GNAL: variants seen among roughly 807,000 people sequenced by gnomAD.
The protein encoded by GNAL is G protein subunit alpha L, also known as guanine nucleotide-binding protein G(olf) subunit alpha.
GNAL carries 18 observed loss-of-function variants against 55.1 expected under a neutral mutation model. The observed-to-expected ratio is 0.33, with a 90% CI of 0.23 to 0.48. The LOEUF is 0.48. Ranked by LOEUF, GNAL falls within the 20% of genes least tolerant of loss-of-function variation. GNAL has a pLI of 0.99. For synonymous variants in GNAL, 253 were observed against 237.0 expected, an observed-to-expected ratio of 1.07 and a Z score of -0.62; for missense variants, 412 against 614.1, an observed-to-expected ratio of 0.67 and a Z score of 3.48.
rs561208006 is a variant in GNAL at position 11,763,734 on chromosome 18, A to G, written c.624+9789A>G. Among the ~76,000 whole-genome samples the G allele has an allele frequency of 3.2e-4, 49 of 152,366 alleles. No homozygotes were observed. The South Asian group carries it at 9.3e-3, about 29-fold the overall frequency. ...AAGAGTCTCAATAATTTAATGAAATAATAGCAGTAACAATAATAATAAATA... is the reference window on the plus strand; with the variant it reads ...AAGAGTCTCAATAATTTAATGAAATGATAGCAGTAACAATAATAATAAATA... On this transcript the variant is annotated intron_variant, in intron 4 of 11. Coordinates refer to ENST00000334049, the MANE Select transcript of GNAL (RefSeq NM_182978.4).
At chr18:11,864,954 C>G (rs2036227846) in intron 7 of GNAL, among the ~76,000 whole-genome samples, 1 of 152,202 alleles carries the variant, frequency 6.6e-6, no homozygotes, top group East Asian at 1.9e-4. Context: ...CAGCCCATCT[C>G]TTGGGTTGCC....
intron 10 of GNAL, among the ~76,000 whole-genome samples, chr18:11,873,001 G>A (rs1171551170): frequency 6.6e-6 from 1 of 152,172 alleles, no homozygotes; most frequent in Non-Finnish European, 1.5e-5. Context: ...CTGAGACTGA[G>A]GGGTTTCCGG....
intron 5 of GNAL, among the ~76,000 whole-genome samples, chr18:11,827,840 C>T (rs11664468): frequency 1.2e-3 from 179 of 151,306 alleles, no homozygotes; most frequent in Non-Finnish European, 2.0e-3. Flanking sequence ...GCGTGGTGGC[C>T]GGCACCTGTA....
intron 1 of GNAL, among the ~76,000 whole-genome samples, chr18:11,743,076 T>C (rs2032613806): frequency 6.6e-6 from 1 of 152,252 alleles, no homozygotes; most frequent in Non-Finnish European, 1.5e-5. Flanking sequence ...CCTTATGGTA[T>C]ATCCCCACTT....
At chr18:11,837,831 T>C (rs2035529415) in intron 5 of GNAL, among the ~76,000 whole-genome samples, 1 of 152,176 alleles carries the variant, frequency 6.6e-6, no homozygotes, top group Non-Finnish European at 1.5e-5. Flanking sequence ...ATAGCAGCAT[T>C]ATTCATAATA....
chr18:11,869,080 C>T (rs1007045284), intron 9 of GNAL, among the ~76,000 whole-genome samples: 4 of 152,016 alleles, frequency 2.6e-5, no homozygotes, highest in Non-Finnish European at 4.4e-5. Flanking sequence ...CAGAACCGTA[C>T]GAAGTATCTC....
chr18:11,719,454 G>A (rs28441114), intron 1 of GNAL, among the ~76,000 whole-genome samples: 1,982 of 152,192 alleles, frequency 0.013, 40 homozygotes, highest in African/African-American at 0.045. Flanking sequence ...CCAAGGCCTC[G>A]GTTTCTTCCT....
At chr18:11,800,742 C>T (rs574341834) in intron 4 of GNAL, among the ~76,000 whole-genome samples, 3 of 152,284 alleles carry the variant, frequency 2.0e-5, no homozygotes, top group East Asian at 1.9e-4. Context: ...CTTTCTCTTC[C>T]GCAGGCTTCT....
At chr18:11,841,438 G>A (rs1161312583) in intron 5 of GNAL, among the ~76,000 whole-genome samples, 2 of 151,900 alleles carry the variant, frequency 1.3e-5, no homozygotes, top group Non-Finnish European at 2.9e-5. Flanking sequence ...CTGGGGTCAG[G>A]AGTTCAAGAC....
chr18:11,867,371 T>A (rs2036286543), intron 8 of GNAL, 145 bp downstream of exon 8: 1 of 659,132 alleles, frequency 1.5e-6, no homozygotes, highest in Admixed American at 2.9e-5. Flanking sequence ...CCTTAGATAC[T>A]AATCTCATTA....
At chr18:11,750,790 G>C (rs1218824353) in intron 1 of GNAL, among the ~76,000 whole-genome samples, 1 of 152,074 alleles carries the variant, frequency 6.6e-6, no homozygotes, top group African/African-American at 2.4e-5. Flanking sequence ...AGGAAAACTG[G>C]TGGAACTAAC....
chr18:11,769,430 A>C (rs933610584), intron 4 of GNAL, among the ~76,000 whole-genome samples: 1 of 151,862 alleles, frequency 6.6e-6, no homozygotes, highest in African/African-American at 2.4e-5. Flanking sequence ...CCCATCACAA[A>C]ATCAAGGCCA....
intron 1 of GNAL, among the ~76,000 whole-genome samples, chr18:11,726,168 G>A (rs914681252): frequency 6.6e-6 from 1 of 152,202 alleles, no homozygotes; most frequent in Non-Finnish European, 1.5e-5. Flanking sequence ...TTGAAATCAT[G>A]TAGTGTCAGT....
chr18:11,779,235 A>G (rs2033864637), intron 4 of GNAL, among the ~76,000 whole-genome samples: 1 of 152,226 alleles, frequency 6.6e-6, no homozygotes, highest in African/African-American at 2.4e-5. Context: ...TGGAAGCAGC[A>G]TTCTCGTATA....
Position 11,751,588 on chromosome 18 carries a change from C to A in GNAL, c.377-1265C>A. The A allele has an allele frequency of 1.0e-6, 1 of 985,474 alleles. No individual in the cohort carries two copies. The highest frequency in any genetic ancestry group is 4.7e-5 in the South Asian group (1 of 21,288). The allele number at this position is 985,474 out of a possible 1,614,324, so 61.0% of individuals were successfully genotyped here. On this transcript the variant is annotated intron_variant, in intron 1 of 11. Coordinates refer to ENST00000334049, the MANE Select transcript of GNAL (RefSeq NM_182978.4). The surrounding 1 kb of genome is among the most constrained non-coding windows in gnomAD (Gnocchi z 4.5). ...TCTTCGCCCGCCAGGAGCAGGGACGCGTCCGAGCCAACACGGGGCGCGCGC... is the reference window on the plus strand; with the variant it reads ...TCTTCGCCCGCCAGGAGCAGGGACGAGTCCGAGCCAACACGGGGCGCGCGC...
At chr18:11,832,880 A>ATAAC (rs1304301728) in intron 5 of GNAL, among the ~76,000 whole-genome samples, 4 of 152,026 alleles carry the variant, frequency 2.6e-5, no homozygotes, top group Non-Finnish European at 5.9e-5. Context: ...AAATAAATAA[A>ATAAC]TAAAAATTTT....
intron 5 of GNAL, among the ~76,000 whole-genome samples, chr18:11,831,607 A>G (rs80063180): frequency 0.036 from 5,422 of 152,302 alleles, 331 homozygotes; most frequent in African/African-American, 0.12. Flanking sequence ...CAAAGGCCCT[A>G]TGGGGAAAAG....
At chr18:11,802,539 A>C (rs977996157) in intron 4 of GNAL, among the ~76,000 whole-genome samples, 2 of 152,188 alleles carry the variant, frequency 1.3e-5, no homozygotes, top group African/African-American at 4.8e-5. Context: ...CTCTGCACTC[A>C]TGGTCCTGAA....
chr18:11,714,962 G>A (rs974310479), intron 1 of GNAL, among the ~76,000 whole-genome samples: 1 of 151,986 alleles, frequency 6.6e-6, no homozygotes, highest in African/African-American at 2.4e-5. Flanking sequence ...GCAACATGGT[G>A]AAACCCTGTG....
Sources: gnomAD v4.1 joint callset for allele counts (sites outside exome capture counted in the v4.1 genomes callset) on GRCh38, gnomAD v4.1.1 for gene constraint, Gnocchi (gnomAD v3.1) non-coding constraint, MANE v1.5 for transcripts, NCBI Gene and HGNC (gene_info 2026-07-23, HGNC 2026-07-21) for gene names.